The following UTS2B variants were observed in gnomAD, a reference collection of about 807,000 sequenced individuals.
The protein encoded by UTS2B is urotensin 2B, also known as urotensin-2B.
Under a neutral mutation model 19.2 loss-of-function variants are expected in UTS2B, and 21 were observed. That is an observed-to-expected ratio of 1.09 (90% CI 0.78 to 1.58). The LOEUF (loss-of-function observed/expected upper bound fraction) is 1.58, where lower values mean the gene tolerates loss of function less well. Ranked by LOEUF, UTS2B falls within the 40% of genes most tolerant of loss-of-function variation. The pLI is 0.00. For synonymous variants in UTS2B, 57 were observed against 50.2 expected, an observed-to-expected ratio of 1.14 and a Z score of -0.58; for missense variants, 138 against 130.3, an observed-to-expected ratio of 1.06 and a Z score of -0.29.
the UTS2B span, among the ~76,000 whole-genome samples, chr3:191,336,237 CTG>C: frequency 6.6e-6 from 1 of 151,406 alleles, no homozygotes; most frequent in African/African-American, 2.4e-5. Context: ...AATTGTCAAA[CTG>C]TTTTTCAAAA....
At chr3:191,312,437 C>T (rs533761403) in intron 3 of UTS2B, among the ~76,000 whole-genome samples, 31 of 152,232 alleles carry the variant, frequency 2.0e-4, no homozygotes, top group African/African-American at 6.5e-4. Flanking sequence ...TTCTGCTGGC[C>T]GTGACAGCTC....
At chr3:191,273,666 T>G (rs1716153157) in intron 8 of UTS2B, 1 of 448,126 alleles carries the variant, frequency 2.2e-6, no homozygotes, top group Non-Finnish European at 4.5e-6. Flanking sequence ...TGTTAACACC[T>G]AATAGCCTAA....
rs1177302281 is a variant in UTS2B at position 191,316,301 on chromosome 3, G to C, written c.-447C>G. Reference sequence around the variant, plus strand: ...GTGAGTGTTACAGTTCTTAAAGATGGTGCGTCCGGAATTTGTTCATTTCTC... The same window carrying C: ...GTGAGTGTTACAGTTCTTAAAGATGCTGCGTCCGGAATTTGTTCATTTCTC... On this transcript the variant is annotated 5_prime_UTR_variant, in exon 3 of 9. Coordinates refer to ENST00000340524, the MANE Select transcript of UTS2B (RefSeq NM_198152.5). The C allele has an allele frequency of 3.3e-5, 5 of 152,474 alleles. No homozygotes were observed. The highest frequency in any genetic ancestry group is 3.3e-4 in the Admixed American group (5 of 15,288). 9.4% of individuals were successfully genotyped at this position (152,474 alleles called of 1,614,324 possible).
At chr3:191,320,419 G>A (rs564769135) in intron 2 of UTS2B, among the ~76,000 whole-genome samples, 2 of 152,332 alleles carry the variant, frequency 1.3e-5, no homozygotes, top group South Asian at 4.1e-4. Flanking sequence ...GCCAGGAGGT[G>A]ACTTTAGCAG....
chr3:191,332,684 G>A (rs933407050), upstream of UTS2B, among the ~76,000 whole-genome samples: 3 of 152,134 alleles, frequency 2.0e-5, no homozygotes, highest in African/African-American at 7.2e-5. Flanking sequence ...ACATATTTTT[G>A]TAAAAAACTT....
chr3:191,275,142 G>T (rs976880583), intron 8 of UTS2B, 110 bp downstream of exon 8: 3 of 741,974 alleles, frequency 4.0e-6, no homozygotes, highest in South Asian at 2.0e-5. Flanking sequence ...CCTTTATATT[G>T]GTCACCACCA....
At chr3:191,342,068 G>A in the UTS2B span, among the ~76,000 whole-genome samples, 1 of 152,156 alleles carries the variant, frequency 6.6e-6, no homozygotes, top group Non-Finnish European at 1.5e-5. Context: ...CACATTTTTA[G>A]TCAGTGAACA....
At chr3:191,268,478 T>C (rs371962156) in intron 8 of UTS2B, 37 bp from the exon 9 acceptor site, 85 of 1,460,292 alleles carry the variant, frequency 5.8e-5, no homozygotes, top group Non-Finnish European at 7.0e-5. Context: ...TTATTAGAAG[T>C]ATATTTGATA....
At chr3:191,274,355 A>G (rs1350325172) in intron 8 of UTS2B, among the ~76,000 whole-genome samples, 3 of 152,210 alleles carry the variant, frequency 2.0e-5, no homozygotes, top group Non-Finnish European at 4.4e-5. Flanking sequence ...AGTACTTACT[A>G]CATACTAGGA....
At chr3:191,291,498 G>A (rs1174253613) in intron 4 of UTS2B, among the ~76,000 whole-genome samples, 9 of 151,786 alleles carry the variant, frequency 5.9e-5, no homozygotes, top group African/African-American at 2.2e-4. Flanking sequence ...TGTCACCCAG[G>A]CTGGAGTGCA....
At chr3:191,295,923 C>T (rs907275135) in intron 4 of UTS2B, among the ~76,000 whole-genome samples, 3 of 152,128 alleles carry the variant, frequency 2.0e-5, no homozygotes, top group Non-Finnish European at 4.4e-5. Context: ...GCTGAAATAC[C>T]CTCAATAAGA....
At chr3:191,291,250 C>G (rs893566838) in intron 4 of UTS2B, among the ~76,000 whole-genome samples, 1 of 152,100 alleles carries the variant, frequency 6.6e-6, no homozygotes, top group African/African-American at 2.4e-5. Flanking sequence ...TTTTCACAAT[C>G]TGAGGGTAGT....
chr3:191,313,437 T>C (rs572945837), intron 3 of UTS2B, among the ~76,000 whole-genome samples: 2 of 152,324 alleles, frequency 1.3e-5, no homozygotes, highest in African/African-American at 2.4e-5. Context: ...GGGATGCTTA[T>C]AGTAAAGGAA....
intron 2 of UTS2B, among the ~76,000 whole-genome samples, chr3:191,317,632 G>A (rs868482594): frequency 6.6e-6 from 1 of 152,222 alleles, no homozygotes; most frequent in South Asian, 2.1e-4. Context: ...AGGCTGAAGT[G>A]CAGTGGCACC....
intron 4 of UTS2B, among the ~76,000 whole-genome samples, chr3:191,287,330 C>T (rs1371217192): frequency 6.6e-6 from 1 of 152,006 alleles, no homozygotes; most frequent in Non-Finnish European, 1.5e-5. Context: ...ATATCCCTAA[C>T]AAACATTGAC....
chr3:191,289,640 T>C (rs1339672583), intron 4 of UTS2B, among the ~76,000 whole-genome samples: 1 of 152,140 alleles, frequency 6.6e-6, no homozygotes, highest in African/African-American at 2.4e-5. Context: ...ATAAAATATA[T>C]AAGCTTGAAG....
intron 4 of UTS2B, among the ~76,000 whole-genome samples, chr3:191,286,488 T>C (rs941138999): frequency 7.9e-5 from 12 of 151,784 alleles, no homozygotes; most frequent in African/African-American, 2.9e-4. Flanking sequence ...CACAAATACA[T>C]GGAAATTAAA....
rs551992220 is a variant in UTS2B, at chr3:191,276,318, G to A, written c.240+489C>T. 1.4e-4 allele frequency among the ~76,000 whole-genome samples: 21 copies of A among 152,246 alleles called. 2 individuals carry two copies. In the South Asian group the frequency reaches 4.4e-3, roughly 32 times the overall value. On this transcript the variant is annotated intron_variant, in intron 7 of 8. Transcript: ENST00000340524. Reference sequence around the variant, plus strand: ...ATAATGGAATTGCACGGAGAAAAGGGTGTTACTAGGGGTCCCCGTCAAGAA... The same window carrying A: ...ATAATGGAATTGCACGGAGAAAAGGATGTTACTAGGGGTCCCCGTCAAGAA...
chr3:191,326,410 G>A (rs529032620), intron 2 of UTS2B, among the ~76,000 whole-genome samples: 11 of 151,962 alleles, frequency 7.2e-5, no homozygotes, highest in African/African-American at 2.7e-4. Flanking sequence ...CATTTCTTAT[G>A]ACCAAAGTCT....
Sources: gnomAD v4.1 joint callset for allele counts (sites outside exome capture counted in the v4.1 genomes callset) on GRCh38, gnomAD v4.1.1 for gene constraint, MANE v1.5 for transcripts, NCBI Gene and HGNC (gene_info 2026-07-23, HGNC 2026-07-21) for gene names.